Variants in PXT1 observed in about 807,000 individuals in gnomAD.
The protein encoded by PXT1 is peroxisomal testis enriched protein 1.
A neutral mutation model predicts 11.0 loss-of-function variants in PXT1; 11 were observed. That is an observed-to-expected ratio of 1.00 (90% CI 0.63 to 1.66). PXT1 has a LOEUF of 1.66. Among genes scored for constraint, PXT1 ranks in the 40% most tolerant of loss-of-function variants. PXT1 has a pLI of 0.00. For missense variants in PXT1, 141 were observed against 155.5 expected, an observed-to-expected ratio of 0.91 and a Z score of 0.49; for synonymous variants, 43 against 51.4, an observed-to-expected ratio of 0.84 and a Z score of 0.70.
chr6:36,438,386 T>C (rs527744624), intron 2 of PXT1, among the ~76,000 whole-genome samples: 14 of 152,298 alleles, frequency 9.2e-5, no homozygotes, highest in African/African-American at 2.9e-4. Flanking sequence ...TGACAATTCA[T>C]TGGATTAGTG....
In PXT1 at chr6:36,417,296, G is replaced by A. The variant is rs372721122; in HGVS notation, c.169+8618C>T. Among the ~76,000 whole-genome samples, 1,008 of 152,168 alleles carry A rather than the reference G, an allele frequency of 6.6e-3. 10 individuals are homozygous for A. The highest frequency in any genetic ancestry group is 8.7e-3 in the Non-Finnish European group (594 of 68,002). ...CGGGAGGCAGAGGCTGCAGTGAGCC[G>A]AGATTGCGCCACTACAATTCAGCCT... On this transcript the variant is annotated intron_variant, in intron 3 of 4. Transcript: ENST00000454782.
At chr6:36,400,611 G>C (rs1774200585) in intron 3 of PXT1, 27 bp from the exon 4 acceptor site, 2 of 1,600,460 alleles carry the variant, frequency 1.2e-6, no homozygotes, top group African/African-American at 2.7e-5. Flanking sequence ...GAGTTCAAAA[G>C]AGATAATCCC....
chr6:36,401,393 G>T (rs1224820223), intron 3 of PXT1, among the ~76,000 whole-genome samples: 4 of 152,032 alleles, frequency 2.6e-5, no homozygotes, highest in Admixed American at 6.6e-5. Context: ...CAAAACTTTG[G>T]GAGGCCAAAC....
intron 3 of PXT1, among the ~76,000 whole-genome samples, chr6:36,408,914 C>A (rs757714017): frequency 6.6e-5 from 10 of 151,878 alleles, no homozygotes; most frequent in Non-Finnish European, 1.5e-4. Flanking sequence ...TAATCAGCCT[C>A]AATGTGTCGG....
intron 3 of PXT1, among the ~76,000 whole-genome samples, chr6:36,415,813 T>C (rs1398471892): frequency 6.6e-6 from 1 of 152,158 alleles, no homozygotes; most frequent in Non-Finnish European, 1.5e-5. Flanking sequence ...AGAAGGAATG[T>C]AAATACAAAT....
At chr6:36,437,897 G>T (rs1373581235) in intron 2 of PXT1, among the ~76,000 whole-genome samples, 1 of 142,266 alleles carries the variant, frequency 7.0e-6, no homozygotes, top group Non-Finnish European at 1.5e-5. Flanking sequence ...TCGGCTCACT[G>T]CACACTCCAC....
chr6:36,402,948 TTTC>T (rs1774234503), intron 3 of PXT1, among the ~76,000 whole-genome samples: 1 of 82,884 alleles, frequency 1.2e-5, no homozygotes, highest in African/African-American at 4.5e-5. Context: ...TCTTTCTTTC[TTTC>T]TTTTTTTTTT....
intron 1 of PXT1, among the ~76,000 whole-genome samples, chr6:36,440,306 T>C (rs917544118): frequency 6.6e-6 from 1 of 152,094 alleles, no homozygotes; most frequent in Non-Finnish European, 1.5e-5. Flanking sequence ...CGTGGTGGCT[T>C]GCGCCTGTAA....
intron 3 of PXT1, among the ~76,000 whole-genome samples, chr6:36,423,138 C>A (rs1013212319): frequency 6.6e-6 from 1 of 152,164 alleles, no homozygotes. Context: ...TTGGCTTCAG[C>A]GAGTCACATT....
rs115826518 is a variant in PXT1, at chr6:36,412,771, G to C, written c.170-12187C>G. The stretch of plus-strand genomic sequence containing the variant: ...CCACTGCACCTGGCCTGTTCAGAGA[G>C]AGATTTAAGACAATATTACATTCAT... On this transcript the variant is annotated intron_variant, in intron 3 of 4. Coordinates refer to ENST00000454782, the MANE Select transcript of PXT1 (RefSeq NM_152990.4). Among the ~76,000 whole-genome samples the C allele has an allele frequency of 8.2e-3, 1,253 of 152,154 alleles. 17 individuals carry two copies. Among genetic ancestry groups the C allele is most frequent in the African/African-American group, 0.029 (1,197 of 41,494 alleles).
At chr6:36,404,585 G>T (rs1272891156) in intron 3 of PXT1, among the ~76,000 whole-genome samples, 1 of 151,880 alleles carries the variant, frequency 6.6e-6, no homozygotes, top group African/African-American at 2.4e-5. Flanking sequence ...GCCTTCCTAA[G>T]TGCTGAGATT....
intron 3 of PXT1, among the ~76,000 whole-genome samples, chr6:36,412,866 T>C (rs1774393878): frequency 6.6e-6 from 1 of 150,690 alleles, no homozygotes; most frequent in Non-Finnish European, 1.5e-5. Flanking sequence ...AAAAATATGA[T>C]CGCCAAAATT....
At chr6:36,403,713 C>T (rs932638532) in intron 3 of PXT1, among the ~76,000 whole-genome samples, 2 of 152,028 alleles carry the variant, frequency 1.3e-5, no homozygotes, top group Admixed American at 6.6e-5. Context: ...ACCAAAAATA[C>T]AAAAAATTAG....
chr6:36,415,041 T>A (rs963398558), intron 3 of PXT1, among the ~76,000 whole-genome samples: 14 of 152,206 alleles, frequency 9.2e-5, no homozygotes, highest in African/African-American at 3.1e-4. Context: ...TTCTTAACAA[T>A]CTTTGGTCTG....
chr6:36,442,837 T>C lies in PXT1; in HGVS notation c.-432A>G, dbSNP rs1029139484. 2 of 152,052 alleles carry C rather than the reference T, an allele frequency of 1.3e-5. No individual in the cohort carries two copies. Among genetic ancestry groups the C allele is most frequent in the South Asian group, 2.1e-4 (1 of 4,828 alleles). 9.4% of individuals were successfully genotyped at this position (152,052 alleles called of 1,614,324 possible). On this transcript the variant is annotated 5_prime_UTR_variant, in exon 1 of 5. Transcript: ENST00000454782. Reference sequence around the variant, plus strand: ...ACTCAGAAAAGTGCGCCCGCTGAGGTTGGGTGCAGAGTGGACTGGAGGAAA... The same window carrying C: ...ACTCAGAAAAGTGCGCCCGCTGAGGCTGGGTGCAGAGTGGACTGGAGGAAA...
At chr6:36,392,274 T>C (rs944579476) in intron 4 of PXT1, among the ~76,000 whole-genome samples, 12 of 152,164 alleles carry the variant, frequency 7.9e-5, no homozygotes, top group Admixed American at 7.9e-4. Flanking sequence ...CATCAGTAAA[T>C]TGGGGCACTC....
chr6:36,408,391 T>G (rs1246723080), intron 3 of PXT1, among the ~76,000 whole-genome samples: 2 of 151,310 alleles, frequency 1.3e-5, no homozygotes, highest in African/African-American at 4.9e-5. Flanking sequence ...GCCTCCCAAG[T>G]AGCTGGGACT....
chr6:36,427,013 T>TC (rs1774617935), intron 2 of PXT1, among the ~76,000 whole-genome samples: 2 of 126,826 alleles, frequency 1.6e-5, no homozygotes, highest in Admixed American at 8.6e-5. Context: ...GACTTTTTTT[T>TC]TCTTTTTTTT....
At chr6:36,393,668 C>T (rs867681932) in intron 4 of PXT1, among the ~76,000 whole-genome samples, 3 of 151,150 alleles carry the variant, frequency 2.0e-5, no homozygotes, top group African/African-American at 7.3e-5. Context: ...GCAGAGGTTG[C>T]GGTGACAACT....
Sources: allele counts gnomAD v4.1 joint callset (sites outside exome capture counted in the v4.1 genomes callset), GRCh38; gene constraint gnomAD v4.1.1; transcripts MANE v1.5; gene names NCBI Gene and HGNC (gene_info 2026-07-23, HGNC 2026-07-21).